The following IMMP2L variants were observed in gnomAD, a reference collection of about 807,000 sequenced individuals.
The protein encoded by IMMP2L is inner mitochondrial membrane peptidase subunit 2.
In IMMP2L, 18 loss-of-function variants were observed where a neutral mutation model predicts 19.3. That is an observed-to-expected ratio of 0.93 (90% CI 0.64 to 1.38). The LOEUF is 1.38. Ranked by LOEUF, IMMP2L falls within the 40% of genes most tolerant of loss-of-function variation. The pLI, the probability that IMMP2L is intolerant of heterozygous loss-of-function variation, is 0.00. For synonymous variants in IMMP2L, 76 were observed against 73.0 expected (o/e 1.04, Z -0.21); for missense variants, 233 against 218.2 (o/e 1.07, Z -0.43).
intron 3 of IMMP2L, among the ~76,000 whole-genome samples, chr7:111,034,185 A>G (rs1279004618): frequency 6.6e-6 from 1 of 152,166 alleles, no homozygotes; most frequent in African/African-American, 2.4e-5. Context: ...GGGGGAATGC[A>G]GCAATCACGT....
rs1563004060 is a variant in IMMP2L at position 111,281,148 on chromosome 7, CAGAAAGACAGAAAGAAAGAAAGAA to C, written c.239+206066_239+206089del. ...AGAGAAAGAGAGAAAGACAGAAAGA[CAGAAAGACAGAAAGAAAGAAAGAA>C]AGAAAGAAAGAAAGAAAGAAAGAAA... On this transcript the variant is annotated intron_variant, in intron 3 of 5. Coordinates refer to ENST00000405709, the MANE Select transcript of IMMP2L (RefSeq NM_032549.4). 7.2e-3 allele frequency among the ~76,000 whole-genome samples: 397 copies of C among 55,348 alleles called. 9 individuals are homozygous for C. The highest frequency in any genetic ancestry group is 0.013 in the Admixed American group (68 of 5,330). 36.3% of individuals were successfully genotyped at this position (55,348 alleles called of 152,430 possible).
At chr7:110,926,921 G>A (rs1814919279) in intron 4 of IMMP2L, among the ~76,000 whole-genome samples, 1 of 152,112 alleles carries the variant, frequency 6.6e-6, no homozygotes, top group Non-Finnish European at 1.5e-5. Context: ...TTAAGTGACT[G>A]TGCAGTTTTA....
chr7:110,689,889 T>C (rs1793373870), intron 5 of IMMP2L, among the ~76,000 whole-genome samples: 3 of 152,210 alleles, frequency 2.0e-5, no homozygotes, highest in African/African-American at 7.2e-5. Context: ...GTTTGTGCTC[T>C]AATTTCTCGG....
intron 3 of IMMP2L, among the ~76,000 whole-genome samples, chr7:111,324,269 A>C (rs1285769345): frequency 6.6e-6 from 1 of 151,998 alleles, no homozygotes; most frequent in Non-Finnish European, 1.5e-5. Flanking sequence ...ATAACAAAGA[A>C]GAAATAGTCA....
At chr7:110,998,328 T>C (rs557235251) in intron 3 of IMMP2L, among the ~76,000 whole-genome samples, 2 of 152,156 alleles carry the variant, frequency 1.3e-5, no homozygotes, top group Admixed American at 1.3e-4. Flanking sequence ...TCTATCATAG[T>C]CATTATACCC....
At position 111,343,930 on chromosome 7, in the gene IMMP2L, TC is replaced by T. The variant is rs892321982; in HGVS notation, c.239+143307del. ...CAGAAAACTGATCGTGGTCATTGTT[TC>T]TTCTCTCTCCCTGAAACGCTATTTC... On this transcript the variant is annotated intron_variant, in intron 3 of 5. Transcript: ENST00000405709. Among the ~76,000 whole-genome samples, 21 of 152,098 alleles carry T rather than the reference TC, an allele frequency of 1.4e-4. 1 individual carries two copies. Among genetic ancestry groups the T allele is most frequent in the Admixed American group, 7.2e-4 (11 of 15,248 alleles).
chr7:110,735,021 G>A (rs867733812), intron 5 of IMMP2L, among the ~76,000 whole-genome samples: 16 of 152,060 alleles, frequency 1.1e-4, no homozygotes, highest in Admixed American at 7.9e-4. Flanking sequence ...CTCTTCATCC[G>A]TCTTACTGCA....
In IMMP2L at chr7:111,102,961, C is replaced by T. The variant is rs570251143; in HGVS notation, c.240-139396G>A. ...AGACCATATAGTATAGGACAATGAG[C>T]ACTCAAGCCCTTGAGTTGCTAAAAT... is the stretch of plus-strand genomic sequence containing the variant. On this transcript the variant is annotated intron_variant, in intron 3 of 5. Transcript: ENST00000405709. Among the ~76,000 whole-genome samples, 3 of 151,594 alleles carry T rather than the reference C, an allele frequency of 2.0e-5. No homozygotes were observed. In the Admixed American group the frequency reaches 2.0e-4, roughly 10 times the overall value.
rs188024009 is a variant in IMMP2L at position 110,668,063 on chromosome 7, T to C, written c.409-4342A>G. Among the ~76,000 whole-genome samples the C allele has an allele frequency of 4.2e-3, 646 of 152,224 alleles. 1 individual carries two copies. Among genetic ancestry groups the C allele is most frequent in the Non-Finnish European group, 5.1e-3 (349 of 68,014 alleles). On this transcript the variant is annotated intron_variant, in intron 5 of 5. Coordinates refer to ENST00000405709, the MANE Select transcript of IMMP2L (RefSeq NM_032549.4). Reference sequence around the variant, plus strand: ...CCTTGCTTTTACTCTCAACAATATATCCTGTAAGCTACCTCTATTACTTCA... The same window carrying C: ...CCTTGCTTTTACTCTCAACAATATACCCTGTAAGCTACCTCTATTACTTCA...
At chr7:111,270,819 A>G (rs1473545349) in intron 3 of IMMP2L, among the ~76,000 whole-genome samples, 1 of 152,156 alleles carries the variant, frequency 6.6e-6, no homozygotes, top group Non-Finnish European at 1.5e-5. Flanking sequence ...TTCCTCTAGG[A>G]ATATATAACA....
intron 3 of IMMP2L, among the ~76,000 whole-genome samples, chr7:111,000,790 G>C (rs1040241915): frequency 1.3e-5 from 2 of 151,338 alleles, no homozygotes; most frequent in Non-Finnish European, 2.9e-5. Flanking sequence ...TTTGCAGTGA[G>C]CTGAGATAGT....
intron 3 of IMMP2L, among the ~76,000 whole-genome samples, chr7:111,252,715 T>C (rs1157570516): frequency 6.6e-6 from 1 of 152,160 alleles, no homozygotes; most frequent in East Asian, 1.9e-4. Context: ...TTAAGGTTAG[T>C]AACACTGGCA....
intron 5 of IMMP2L, among the ~76,000 whole-genome samples, chr7:110,713,857 T>C (rs1795061722): frequency 6.6e-6 from 1 of 152,158 alleles, no homozygotes. Context: ...AGGTATACAA[T>C]CATATCATCA....
chr7:111,157,875 A>G (rs1422741887), intron 3 of IMMP2L, among the ~76,000 whole-genome samples: 1 of 151,958 alleles, frequency 6.6e-6, no homozygotes, highest in African/African-American at 2.4e-5. Context: ...CACAATTTAA[A>G]AAATAAAATA....
chr7:111,276,310 T>C (rs1819045108), intron 3 of IMMP2L, among the ~76,000 whole-genome samples: 1 of 152,060 alleles, frequency 6.6e-6, no homozygotes, highest in Admixed American at 6.6e-5. Context: ...ATGATCATGG[T>C]ATATTAATCT....
intron 3 of IMMP2L, among the ~76,000 whole-genome samples, chr7:111,045,892 T>A (rs1401326428): frequency 6.6e-6 from 1 of 152,122 alleles, no homozygotes; most frequent in East Asian, 1.9e-4. Flanking sequence ...AACAGCAATT[T>A]GAAACAAATA....
Position 111,065,844 on chromosome 7 carries a change from C to G in IMMP2L, c.240-102279G>C, listed in dbSNP as rs1354127924. Among the ~76,000 whole-genome samples the G allele has an allele frequency of 3.7e-4, 56 of 151,128 alleles. 1 individual carries two copies. The highest frequency in any genetic ancestry group is 3.7e-3 in the Admixed American group (56 of 15,202). On this transcript the variant is annotated intron_variant, in intron 3 of 5. Coordinates refer to ENST00000405709, the MANE Select transcript of IMMP2L (RefSeq NM_032549.4). The stretch of plus-strand genomic sequence containing the variant: ...TAAGATAATACTACTTAATAAACTC[C>G]CTTTTATATACATATCTATCCTGTT...
At chr7:110,750,385 C>A (rs1217261167) in intron 5 of IMMP2L, among the ~76,000 whole-genome samples, 1 of 151,892 alleles carries the variant, frequency 6.6e-6, no homozygotes, top group Non-Finnish European at 1.5e-5. Flanking sequence ...CATTGAAACC[C>A]CTGGAAAAAC....
intron 4 of IMMP2L, among the ~76,000 whole-genome samples, chr7:110,921,634 G>A (rs1814297388): frequency 6.6e-6 from 1 of 152,096 alleles, no homozygotes; most frequent in Non-Finnish European, 1.5e-5. Context: ...TCCCCTGCTT[G>A]TTTCTTCTGT....
Sources: gnomAD v4.1 joint callset for allele counts (sites outside exome capture counted in the v4.1 genomes callset) on GRCh38, gnomAD v4.1.1 for gene constraint, MANE v1.5 for transcripts, NCBI Gene and HGNC (gene_info 2026-07-23, HGNC 2026-07-21) for gene names.